The following DTNA variants were observed in gnomAD, a reference collection of about 807,000 sequenced individuals.
DTNA encodes dystrophin-related protein 3.
Under a neutral mutation model 100.7 loss-of-function variants are expected in DTNA, and 43 were observed. That is an observed-to-expected ratio of 0.43 (90% CI 0.33 to 0.55). DTNA has a LOEUF of 0.55. DTNA is among the 20% of genes least tolerant of loss of function. The probability of loss-of-function intolerance (pLI) is 0.04; values close to 1 mark genes in which losing one functional copy is unlikely to be tolerated. For synonymous variants in DTNA, 349 were observed against 347.9 expected (o/e 1.00, Z -0.04); for missense variants, 798 against 953.9 (o/e 0.84, Z 2.15).
At chr18:34,508,504 A>G (rs971426318) in intron 1 of DTNA, among the ~76,000 whole-genome samples, 6 of 152,166 alleles carry the variant, frequency 3.9e-5, no homozygotes, top group Admixed American at 3.3e-4. Context: ...TATAACTGAG[A>G]TAGAATTCCA....
rs1368408004 is a variant in DTNA at position 34,555,394 on chromosome 18, T to C, written c.-2+61880T>C. On this transcript the variant is annotated intron_variant, in intron 1 of 19. Transcript: ENST00000283365. ...ATTTCCTTCAGTTCTGCTCTGATTT[T>C]AGTTATTTCTTGCCTTCTACTAGCT... Among the ~76,000 whole-genome samples the C allele has an allele frequency of 3.8e-4, 57 of 151,462 alleles. No homozygotes were observed. The South Asian group carries it at 0.012, about 31-fold the overall frequency.
intron 1 of DTNA, among the ~76,000 whole-genome samples, chr18:34,649,813 G>C (rs1276142420): frequency 4.6e-5 from 7 of 151,320 alleles, no homozygotes. Flanking sequence ...ATTTTCCATT[G>C]CTTTTTCCTG....
At chr18:34,838,700 C>G in intron 12 of DTNA, 45 bp from the exon 13 acceptor site, 2 of 1,534,508 alleles carry the variant, frequency 1.3e-6, no homozygotes, top group Non-Finnish European at 1.8e-6. Context: ...TATTTCTGTC[C>G]ACCTCTCTTA....
At chr18:34,778,476 A>C (rs552009309) in intron 3 of DTNA, among the ~76,000 whole-genome samples, 34 of 152,196 alleles carry the variant, frequency 2.2e-4, no homozygotes, top group Non-Finnish European at 4.6e-4. Flanking sequence ...TTAACCATTT[A>C]ACTGTATGGT....
At chr18:34,634,745 G>A (rs1478798690) in intron 1 of DTNA, among the ~76,000 whole-genome samples, 1 of 152,086 alleles carries the variant, frequency 6.6e-6, no homozygotes, top group Non-Finnish European at 1.5e-5. Flanking sequence ...TATACAAAAT[G>A]TTGTTTTGAA....
chr18:34,859,677 A>G (rs1271131083), intron 16 of DTNA, among the ~76,000 whole-genome samples: 1 of 152,150 alleles, frequency 6.6e-6, no homozygotes, highest in African/African-American at 2.4e-5. Flanking sequence ...TTTCCTTTCC[A>G]TTCAGTTCTA....
At chr18:34,879,792 C>T in intron 20 of DTNA, 73 bp downstream of exon 20, 1 of 1,579,130 alleles carries the variant, frequency 6.3e-7, no homozygotes, top group South Asian at 1.1e-5. Context: ...AAAGTAAAAG[C>T]ATAATTGTTT....
chr18:34,582,398 C>A (rs1158574041), intron 1 of DTNA, among the ~76,000 whole-genome samples: 1 of 152,154 alleles, frequency 6.6e-6, no homozygotes, highest in African/African-American at 2.4e-5. Context: ...ATGCTCAGAG[C>A]TTGGTTAGAA....
chr18:34,499,682 A>G (rs1601134570), intron 1 of DTNA, among the ~76,000 whole-genome samples: 1 of 152,330 alleles, frequency 6.6e-6, no homozygotes, highest in East Asian at 1.9e-4. Context: ...ATAGGTGTGT[A>G]GCAATATTTC....
intron 11 of DTNA, among the ~76,000 whole-genome samples, chr18:34,834,852 AG>A (rs972345394): frequency 6.6e-6 from 1 of 152,186 alleles, no homozygotes; most frequent in African/African-American, 2.4e-5. Flanking sequence ...TGAAGTTTGG[AG>A]GGGTCAAATA....
chr18:34,685,322 G>T (rs147548333), intron 1 of DTNA, among the ~76,000 whole-genome samples: 181 of 152,230 alleles, frequency 1.2e-3, no homozygotes, highest in Non-Finnish European at 1.9e-3. Flanking sequence ...TGTATGAGGT[G>T]TAAGGAAAGG....
chr18:34,595,792 C>T (rs1203240301), intron 1 of DTNA, among the ~76,000 whole-genome samples: 2 of 152,194 alleles, frequency 1.3e-5, no homozygotes, highest in Non-Finnish European at 2.9e-5. Context: ...CCAGAGAAGA[C>T]TTTGGTTTGC....
intron 1 of DTNA, among the ~76,000 whole-genome samples, chr18:34,737,216 A>G (rs2147570260): frequency 6.6e-6 from 1 of 152,340 alleles, no homozygotes; most frequent in Non-Finnish European, 1.5e-5. Context: ...GCTAATATGT[A>G]TTAAGGAAAT....
At chr18:34,526,258 T>A (rs2042605280) in intron 1 of DTNA, among the ~76,000 whole-genome samples, 2 of 152,170 alleles carry the variant, frequency 1.3e-5, no homozygotes, top group South Asian at 4.1e-4. Flanking sequence ...ATGACCTTTG[T>A]CTTCTGCAGT....
chr18:34,622,677 A>C (rs1236894628), intron 1 of DTNA, among the ~76,000 whole-genome samples: 2 of 152,168 alleles, frequency 1.3e-5, no homozygotes, highest in Non-Finnish European at 2.9e-5. Context: ...GAGCTGGGTT[A>C]CACTCTTCCT....
Position 34,888,001 on chromosome 18 carries a change from GAA to G in DTNA, c.*275_*276del. On this transcript the variant is annotated 3_prime_UTR_variant, in exon 23 of 23. Transcript: ENST00000444659. ...GTGCATAGGTGTGTGTTTCAAGAAGGAAAAAAAAAGACTTCTGTTCAAAGTTA... is the reference window on the plus strand; with the variant it reads ...GTGCATAGGTGTGTGTTTCAAGAAGGAAAAAAAGACTTCTGTTCAAAGTTA... 1.0e-6 allele frequency: 1 copy of G among 983,144 alleles called. No individual in the cohort carries two copies. The highest frequency in any genetic ancestry group is 1.2e-6 in the Non-Finnish European group (1 of 828,950). The allele number at this position is 983,144 out of a possible 1,614,324, so 60.9% of individuals were successfully genotyped here. A position where few individuals can be genotyped will look rare whatever the true frequency, so the allele number is the denominator to read the frequency against.
chr18:34,566,767 A>T (rs1478144452), intron 1 of DTNA, among the ~76,000 whole-genome samples: 1 of 152,242 alleles, frequency 6.6e-6, no homozygotes, highest in African/African-American at 2.4e-5. Flanking sequence ...ACTATGAAAC[A>T]TCAGTCAGGC....
Position 34,884,891 on chromosome 18 carries a change from C to A in DTNA, c.*31+115C>A, listed in dbSNP as rs2096907648. On this transcript the variant is annotated intron_variant, in intron 22 of 22. Coordinates refer to ENST00000444659, the MANE Select transcript of DTNA (RefSeq NM_001386795.1). ...TCATTTCTTTCTATGTGATAAAATA[C>A]CCTCCTTAACTGCTGATATCGAAGA... 5.0e-6 allele frequency: 6 copies of A among 1,210,638 alleles called. No individual in the cohort carries two copies. The Admixed American group carries it at 6.8e-5, about 14-fold the overall frequency. 75.0% of individuals were successfully genotyped at this position (1,210,638 alleles called of 1,614,324 possible).
chr18:34,791,955 G>C (rs942957526), intron 3 of DTNA, among the ~76,000 whole-genome samples: 4 of 152,180 alleles, frequency 2.6e-5, no homozygotes, highest in African/African-American at 4.8e-5. Context: ...TGCAACCTAG[G>C]TCTTTGGACT....
Sources: gnomAD v4.1 joint callset for allele counts (sites outside exome capture counted in the v4.1 genomes callset) on GRCh38, gnomAD v4.1.1 for gene constraint, MANE v1.5 for transcripts, NCBI Gene and HGNC (gene_info 2026-07-23, HGNC 2026-07-21) for gene names.